Variants in CNTNAP2 observed in about 807,000 individuals in gnomAD.
The protein encoded by CNTNAP2 is contactin associated protein 2.
Under a neutral mutation model 155.2 loss-of-function variants are expected in CNTNAP2, and 98 were observed. The ratio of observed to expected loss-of-function variants is 0.63; its 90% CI spans 0.54 to 0.75. CNTNAP2 has a LOEUF of 0.75. CNTNAP2 is among the 30% of genes least tolerant of loss of function. The pLI is 0.00. For synonymous variants in CNTNAP2, 651 were observed against 631.2 expected (o/e 1.03, Z -0.47); for missense variants, 1,727 against 1,688.1 (o/e 1.02, Z -0.40).
intron 3 of CNTNAP2, among the ~76,000 whole-genome samples, chr7:147,033,185 T>C (rs959850729): frequency 3.8e-5 from 4 of 106,202 alleles, no homozygotes; most frequent in Admixed American, 9.0e-5. Flanking sequence ...TATATATATA[T>C]ATATATATAT....
chr7:148,266,577 A>T lies in CNTNAP2; in HGVS notation c.3382-456A>T, dbSNP rs192849302. On this transcript the variant is annotated intron_variant, in intron 20 of 23. Coordinates refer to ENST00000361727, the MANE Select transcript of CNTNAP2 (RefSeq NM_014141.6). ...ATAACCGAGAAAACTACAACTGTTT[A>T]CCCCACTTGACCCTCAGCATTTGAG... Among the ~76,000 whole-genome samples the T allele has an allele frequency of 4.1e-3, 617 of 151,996 alleles. 1 individual carries two copies. The highest frequency in any genetic ancestry group is 6.5e-3 in the Non-Finnish European group (441 of 67,970).
chr7:146,855,273 C>T (rs576613278), intron 3 of CNTNAP2, among the ~76,000 whole-genome samples: 1 of 152,048 alleles, frequency 6.6e-6, no homozygotes, highest in East Asian at 1.9e-4. Context: ...GGGGGATTGG[C>T]AATACCCAGC....
chr7:146,541,494 A>G (rs569246671), intron 1 of CNTNAP2, among the ~76,000 whole-genome samples: 1 of 152,176 alleles, frequency 6.6e-6, no homozygotes, highest in Non-Finnish European at 1.5e-5. Flanking sequence ...GTCATATGAC[A>G]GTAGGCAACT....
chr7:148,244,724 G>A (rs969198978), intron 20 of CNTNAP2, among the ~76,000 whole-genome samples: 42 of 151,774 alleles, frequency 2.8e-4, no homozygotes, highest in African/African-American at 8.7e-4. Context: ...CACCACACCC[G>A]GCTAATTTTT....
At chr7:147,613,214 T>A (rs563097488) in intron 12 of CNTNAP2, among the ~76,000 whole-genome samples, 11 of 152,316 alleles carry the variant, frequency 7.2e-5, no homozygotes, top group African/African-American at 2.6e-4. Context: ...TCATTGTAGT[T>A]CTTCTTTGTA....
intron 1 of CNTNAP2, among the ~76,000 whole-genome samples, chr7:146,474,219 T>A (rs188604531): frequency 2.9e-4 from 44 of 151,058 alleles, no homozygotes; most frequent in African/African-American, 1.1e-3. Flanking sequence ...TATTTTTTTT[T>A]ATTTTATTAA....
chr7:146,721,931 C>G (rs1307676668), intron 1 of CNTNAP2, among the ~76,000 whole-genome samples: 2 of 129,892 alleles, frequency 1.5e-5, no homozygotes, highest in Non-Finnish European at 3.1e-5. Context: ...CTCTGTAGCC[C>G]AGGCTGGAGT....
intron 17 of CNTNAP2, among the ~76,000 whole-genome samples, chr7:148,164,104 T>C (rs1301601204): frequency 6.6e-6 from 1 of 152,044 alleles, no homozygotes; most frequent in Non-Finnish European, 1.5e-5. Flanking sequence ...CTGGCTAATT[T>C]TTGTATTTTT....
intron 12 of CNTNAP2, among the ~76,000 whole-genome samples, chr7:147,584,036 T>G (rs1489879295): frequency 1.3e-5 from 2 of 152,128 alleles, no homozygotes; most frequent in Non-Finnish European, 2.9e-5. Context: ...AATGCTTTTG[T>G]AGACAGAGAG....
intron 8 of CNTNAP2, among the ~76,000 whole-genome samples, chr7:147,174,976 C>T (rs567187623): frequency 6.5e-4 from 99 of 152,048 alleles, no homozygotes; most frequent in African/African-American, 2.2e-3. Flanking sequence ...TCAACCATAC[C>T]GCCGACTCCA....
rs371948103 is a variant in CNTNAP2 at position 147,802,439 on chromosome 7, A to G, written c.2099-101126A>G. 1.1e-4 allele frequency among the ~76,000 whole-genome samples: 17 copies of G among 152,028 alleles called. No individual in the cohort carries two copies. The South Asian group carries it at 1.5e-3, about 13-fold the overall frequency. ...CCAAGGCAGGCGGCTGGGAGGTGGA[A>G]GTTGTAGCGAGCCGAGATCAGGCCA... On this transcript the variant is annotated intron_variant, in intron 13 of 23. Coordinates refer to ENST00000361727, the MANE Select transcript of CNTNAP2 (RefSeq NM_014141.6).
At chr7:147,122,805 A>C (rs1248885254) in intron 6 of CNTNAP2, 3 of 152,158 alleles carry the variant, frequency 2.0e-5, no homozygotes, top group Non-Finnish European at 1.5e-5. Flanking sequence ...TTTCTGCACC[A>C]CCTTCATGTT....
At chr7:146,435,391 T>G (rs1796228926) in intron 1 of CNTNAP2, among the ~76,000 whole-genome samples, 1 of 152,194 alleles carries the variant, frequency 6.6e-6, no homozygotes. Flanking sequence ...GTGCCCAATA[T>G]TTTGAGTTTC....
At chr7:146,962,361 T>C (rs966054358) in intron 3 of CNTNAP2, among the ~76,000 whole-genome samples, 2 of 152,206 alleles carry the variant, frequency 1.3e-5, no homozygotes. Flanking sequence ...GTTGAGTTCA[T>C]ATTTGAGTGC....
chr7:146,150,704 G>A (rs1798023725), intron 1 of CNTNAP2, among the ~76,000 whole-genome samples: 1 of 151,822 alleles, frequency 6.6e-6, no homozygotes, highest in Non-Finnish European at 1.5e-5. Context: ...ATTGTTGATA[G>A]TGGCCCAACT....
At position 146,735,503 on chromosome 7, in the gene CNTNAP2, C is replaced by T. The variant is rs1017069807; in HGVS notation, c.98-38768C>T. Among the ~76,000 whole-genome samples the T allele has an allele frequency of 2.6e-5, 4 of 151,874 alleles. No homozygotes were observed. In the East Asian group the frequency reaches 5.8e-4, roughly 22 times the overall value. On this transcript the variant is annotated intron_variant, in intron 1 of 23. Coordinates refer to ENST00000361727, the MANE Select transcript of CNTNAP2 (RefSeq NM_014141.6). ...CCGGGAGGCGGAGCTTGCAGTGAGCCGAGATAGCGCCACTGCACTCCAGCC... is the reference window on the plus strand; with the variant it reads ...CCGGGAGGCGGAGCTTGCAGTGAGCTGAGATAGCGCCACTGCACTCCAGCC...
At chr7:147,151,324 A>G (rs1801821079) in intron 8 of CNTNAP2, among the ~76,000 whole-genome samples, 1 of 152,208 alleles carries the variant, frequency 6.6e-6, no homozygotes, top group African/African-American at 2.4e-5. Flanking sequence ...GAACTGGTGT[A>G]ACGGGAATGA....
At chr7:146,944,876 TAAAAAA>T (rs926343251) in intron 3 of CNTNAP2, among the ~76,000 whole-genome samples, 37 of 141,578 alleles carry the variant, frequency 2.6e-4, no homozygotes, top group Admixed American at 2.4e-3. Context: ...AGACTCCGTC[TAAAAAA>T]AAAAAAGAAA....
At chr7:148,339,703 G>T (rs970794413) in intron 21 of CNTNAP2, 14 of 152,520 alleles carry the variant, frequency 9.2e-5, no homozygotes, top group African/African-American at 3.1e-4. Context: ...AGGGTGCGCT[G>T]CTCCAGCCCG....
Sources: gnomAD v4.1 joint callset for allele counts (sites outside exome capture counted in the v4.1 genomes callset) on GRCh38, gnomAD v4.1.1 for gene constraint, MANE v1.5 for transcripts, NCBI Gene and HGNC (gene_info 2026-07-23, HGNC 2026-07-21) for gene names.